Variants in ADCY8 observed in about 807,000 individuals in gnomAD.
ADCY8 encodes the protein adenylate cyclase type 8.
Under a neutral mutation model 119.7 loss-of-function variants are expected in ADCY8, and 51 were observed. That is an observed-to-expected ratio of 0.43 (90% confidence interval 0.34 to 0.54). The LOEUF is 0.54. ADCY8 is among the 20% of genes least tolerant of loss of function. The probability of loss-of-function intolerance (pLI) is 0.03; values close to 1 mark genes in which losing one functional copy is unlikely to be tolerated. For synonymous variants in ADCY8, 665 were observed against 651.0 expected, an observed-to-expected ratio of 1.02 and a Z score of -0.33; for missense variants, 1,383 against 1,598.8, an observed-to-expected ratio of 0.87 and a Z score of 2.30.
At chr8:130,783,869 G>A in intron 16 of ADCY8, 64 bp from the exon 17 acceptor site, 1 of 1,333,678 alleles carries the variant, frequency 7.5e-7, no homozygotes, top group Non-Finnish European at 1.1e-6. Context: ...TAACATTTCT[G>A]CAGCAGGGGC....
At chr8:130,942,314 A>G (rs2130637141) in intron 4 of ADCY8, among the ~76,000 whole-genome samples, 1 of 152,314 alleles carries the variant, frequency 6.6e-6, no homozygotes, top group East Asian at 1.9e-4. Context: ...TCAGCTTAAG[A>G]GTCACTTTCT....
intron 2 of ADCY8, among the ~76,000 whole-genome samples, chr8:130,973,618 C>T (rs1821987436): frequency 1.3e-5 from 2 of 152,164 alleles, no homozygotes; most frequent in African/African-American, 4.8e-5. Context: ...ATGGTGATTG[C>T]TTTAAGCCAC....
intron 8 of ADCY8, among the ~76,000 whole-genome samples, chr8:130,868,707 A>G (rs956563384): frequency 6.6e-6 from 1 of 152,226 alleles, no homozygotes; most frequent in African/African-American, 2.4e-5. Flanking sequence ...TAAAACTGAA[A>G]AAGACCTTAG....
At chr8:130,996,088 T>C (rs1822763869) in intron 1 of ADCY8, among the ~76,000 whole-genome samples, 1 of 152,076 alleles carries the variant, frequency 6.6e-6, no homozygotes, top group African/African-American at 2.4e-5. Flanking sequence ...ACAATAGCAT[T>C]GGTAAGATAA....
intron 1 of ADCY8, 113 bp downstream of exon 1, chr8:131,039,261 G>C: frequency 6.9e-7 from 1 of 1,445,356 alleles, no homozygotes; most frequent in Non-Finnish European, 9.4e-7. Context: ...CACTGTGCCA[G>C]ACTGAAGGCG....
intron 2 of ADCY8, among the ~76,000 whole-genome samples, chr8:130,970,468 C>A (rs1179594701): frequency 6.6e-6 from 1 of 152,104 alleles, no homozygotes; most frequent in Non-Finnish European, 1.5e-5. Flanking sequence ...GGAAACAAGC[C>A]CAGGGCTCCC....
chr8:131,029,717 C>A (rs1319924099), intron 1 of ADCY8, among the ~76,000 whole-genome samples: 2 of 152,148 alleles, frequency 1.3e-5, no homozygotes, highest in Non-Finnish European at 2.9e-5. Flanking sequence ...ATAGCAAAAA[C>A]TCAGCTGCAG....
chr8:131,034,129 G>C (rs557420568), intron 1 of ADCY8, among the ~76,000 whole-genome samples: 1 of 152,012 alleles, frequency 6.6e-6, no homozygotes, highest in South Asian at 2.1e-4. Context: ...AAATGAGTAC[G>C]TACCTTGATA....
At chr8:130,876,715 G>T (rs115933756) in intron 8 of ADCY8, among the ~76,000 whole-genome samples, 1 of 145,680 alleles carries the variant, frequency 6.9e-6, no homozygotes, top group Non-Finnish European at 1.5e-5. Context: ...GTGTGTGTAG[G>T]GGGGCAGGGG....
chr8:130,818,817 TGAAG>T (rs2130189052), intron 13 of ADCY8, among the ~76,000 whole-genome samples: 1 of 152,280 alleles, frequency 6.6e-6, no homozygotes, highest in South Asian at 2.1e-4. Flanking sequence ...CAGTGGCATG[TGAAG>T]GAAACAGAAT....
chr8:130,794,208 C>T (rs1042171521), intron 15 of ADCY8, among the ~76,000 whole-genome samples: 7 of 152,106 alleles, frequency 4.6e-5, no homozygotes, highest in Admixed American at 2.0e-4. Flanking sequence ...TTCTTGCTTC[C>T]GGAATTGTGA....
At chr8:130,970,264 C>A (rs1821883746) in intron 2 of ADCY8, among the ~76,000 whole-genome samples, 1 of 152,206 alleles carries the variant, frequency 6.6e-6, no homozygotes, top group African/African-American at 2.4e-5. Flanking sequence ...TACAGCCACT[C>A]CCCATTGCTC....
In ADCY8 at chr8:130,847,461, G is replaced by C; in HGVS notation, c.2465C>G (p.Ser822Cys). The C allele has an allele frequency of 1.2e-6, 2 of 1,612,432 alleles. No individual in the cohort carries two copies. The highest frequency in any genetic ancestry group is 1.7e-6 in the Non-Finnish European group (2 of 1,179,510). ...SIPLKNLTFN[S>C]SAVFTDICSY... ...GCAGATATCTGTAAACACAGCTGAG[G>C]AATTGAAAGTCAGGTTCTTCAAGGG... The change falls in exon 11 of 18, where the codon TCC becomes TGC. Residue 822 changes from serine to cysteine, a missense_variant. This residue lies in a region of ADCY8 where 928 missense variants were observed against 1,163.5 expected (regional missense o/e 0.80). Coordinates refer to ENST00000286355, the MANE Select transcript of ADCY8 (RefSeq NM_001115.3).
intron 1 of ADCY8, among the ~76,000 whole-genome samples, chr8:131,025,901 C>T (rs1449613285): frequency 6.6e-6 from 1 of 152,186 alleles, no homozygotes; most frequent in Non-Finnish European, 1.5e-5. Flanking sequence ...AAATCATTCA[C>T]TTATTTAGGT....
At chr8:131,011,718 C>A (rs1823310719) in intron 1 of ADCY8, among the ~76,000 whole-genome samples, 1 of 152,086 alleles carries the variant, frequency 6.6e-6, no homozygotes, top group African/African-American at 2.4e-5. Flanking sequence ...TTGTGTCGGA[C>A]AAAGGGACCT....
intron 5 of ADCY8, 148 bp downstream of exon 5, chr8:130,936,925 G>A (rs1820804805): frequency 2.2e-6 from 2 of 928,522 alleles, no homozygotes; most frequent in African/African-American, 1.7e-5. Context: ...GGTTTATATG[G>A]GAGAACTAAG....
intron 5 of ADCY8, among the ~76,000 whole-genome samples, chr8:130,910,994 G>A (rs926435465): frequency 6.6e-6 from 1 of 152,150 alleles, no homozygotes; most frequent in African/African-American, 2.4e-5. Flanking sequence ...AGAGTTGTCA[G>A]ACTTAAAAGT....
chr8:130,834,236 G>A (rs1165153143), intron 12 of ADCY8, among the ~76,000 whole-genome samples: 1 of 151,978 alleles, frequency 6.6e-6, no homozygotes, highest in Non-Finnish European at 1.5e-5. Context: ...TAACCCAACA[G>A]AAAACTGGGT....
chr8:130,790,024 A>T (rs141009660), intron 15 of ADCY8, among the ~76,000 whole-genome samples: 3 of 152,174 alleles, frequency 2.0e-5, no homozygotes, highest in Non-Finnish European at 4.4e-5. Flanking sequence ...TCCAGTAGGT[A>T]GTTATTGAAT....
Sources: gnomAD v4.1 joint callset for allele counts (sites outside exome capture counted in the v4.1 genomes callset) on GRCh38, gnomAD v4.1.1 for gene constraint, gnomAD v4.1.1 regional missense constraint, MANE v1.5 for transcripts, NCBI Gene and HGNC (gene_info 2026-07-23, HGNC 2026-07-21) for gene names.